Variants in GLI2 observed in about 807,000 individuals in gnomAD.
The protein encoded by GLI2 is transcription activator GLI2.
Under a neutral mutation model 78.9 loss-of-function variants are expected in GLI2, and 22 were observed. The observed-to-expected ratio is 0.28, with a 90% confidence interval of 0.20 to 0.40. The LOEUF is 0.40. Among genes scored for constraint, GLI2 ranks in the 10% least tolerant of loss-of-function variants. The pLI, the probability that GLI2 is intolerant of heterozygous loss-of-function variation, is 1.00. For synonymous variants in GLI2, 974 were observed against 963.7 expected, an observed-to-expected ratio of 1.01 and a Z score of -0.20; for missense variants, 2,097 against 2,213.2, an observed-to-expected ratio of 0.95 and a Z score of 1.05.
chr2:120,876,603 G>A (rs1046909761), intron 2 of GLI2, among the ~76,000 whole-genome samples: 24 of 152,150 alleles, frequency 1.6e-4, no homozygotes, highest in Middle Eastern at 3.4e-3. Flanking sequence ...AGAAGGTGGA[G>A]GAGGGGGACT....
chr2:120,768,828 T>TGTGTGTGCGC (rs1016876371), intron 1 of GLI2, among the ~76,000 whole-genome samples: 16 of 150,526 alleles, frequency 1.1e-4, no homozygotes, highest in African/African-American at 3.9e-4. Flanking sequence ...TGTGTGTGTG[T>TGTGTGTGCGC]GCGTGTGTGT....
chr2:120,971,481 C>T (rs940301493), intron 7 of GLI2, among the ~76,000 whole-genome samples: 16 of 152,252 alleles, frequency 1.1e-4, no homozygotes, highest in African/African-American at 3.4e-4. Flanking sequence ...AGCCTCCCCA[C>T]GACAGTGGCT....
chr2:120,904,674 G>A (rs1678432833), intron 2 of GLI2, among the ~76,000 whole-genome samples: 1 of 152,184 alleles, frequency 6.6e-6, no homozygotes, highest in African/African-American at 2.4e-5. Context: ...GAATCCACTG[G>A]GGAGCTTTTT....
chr2:120,828,207 C>CA (rs1295181171), intron 2 of GLI2, among the ~76,000 whole-genome samples: 1 of 152,210 alleles, frequency 6.6e-6, no homozygotes, highest in Admixed American at 6.5e-5. Flanking sequence ...CCTCTTTATG[C>CA]ATGAGAGCAG....
At chr2:120,854,531 A>G (rs1687556533) in intron 2 of GLI2, among the ~76,000 whole-genome samples, 1 of 152,204 alleles carries the variant, frequency 6.6e-6, no homozygotes, top group Non-Finnish European at 1.5e-5. Context: ...GGATCCCAGA[A>G]GAACCTTTGG....
intron 2 of GLI2, among the ~76,000 whole-genome samples, chr2:120,918,438 CTT>C (rs563960856): frequency 0.038 from 4,812 of 126,904 alleles, 273 homozygotes; most frequent in African/African-American, 0.13. Context: ...CATAAATATT[CTT>C]TTTTTTTTTT....
intron 2 of GLI2, among the ~76,000 whole-genome samples, chr2:120,915,375 C>A (rs1244746761): frequency 6.6e-6 from 1 of 152,184 alleles, no homozygotes; most frequent in African/African-American, 2.4e-5. Flanking sequence ...ATTCCTCCCC[C>A]CACGTTTTTC....
intron 1 of GLI2, among the ~76,000 whole-genome samples, chr2:120,763,692 A>G (rs1410455017): frequency 6.6e-6 from 1 of 152,204 alleles, no homozygotes; most frequent in East Asian, 1.9e-4. Context: ...GAATGACAAG[A>G]AGCCACGCCC....
chr2:120,745,247 C>T (rs1682660368), intron 1 of GLI2, among the ~76,000 whole-genome samples: 1 of 152,170 alleles, frequency 6.6e-6, no homozygotes, highest in Non-Finnish European at 1.5e-5. Flanking sequence ...TGGGATGCCT[C>T]CTTTCTTTTT....
chr2:120,929,361 T>C (rs1325790184), intron 3 of GLI2, among the ~76,000 whole-genome samples: 2 of 152,226 alleles, frequency 1.3e-5, no homozygotes, highest in African/African-American at 4.8e-5. Context: ...TATGGAAATA[T>C]CCTGTTTCTT....
chr2:120,783,686 A>G (rs1683912585), intron 1 of GLI2, among the ~76,000 whole-genome samples: 1 of 152,198 alleles, frequency 6.6e-6, no homozygotes, highest in African/African-American at 2.4e-5. Flanking sequence ...GGTAACAGCC[A>G]GGGACAGCTG....
At chr2:120,879,431 G>A (rs993611039) in intron 2 of GLI2, among the ~76,000 whole-genome samples, 1 of 152,196 alleles carries the variant, frequency 6.6e-6, no homozygotes, top group African/African-American at 2.4e-5. Flanking sequence ...GGATTGGAGG[G>A]AGCCCCAGAG....
chr2:120,925,017 T>G (rs1232893770), intron 2 of GLI2, among the ~76,000 whole-genome samples: 1 of 152,220 alleles, frequency 6.6e-6, no homozygotes. Flanking sequence ...ACAAAAGTCA[T>G]GCAGCAGGTG....
intron 2 of GLI2, among the ~76,000 whole-genome samples, chr2:120,862,595 T>A (rs1209391077): frequency 1.3e-5 from 2 of 152,162 alleles, no homozygotes; most frequent in African/African-American, 4.8e-5. Flanking sequence ...TCGTGAGCAC[T>A]TTGTGTGTAG....
intron 2 of GLI2, among the ~76,000 whole-genome samples, chr2:120,815,691 C>T (rs1380461139): frequency 6.6e-6 from 1 of 152,084 alleles, no homozygotes; most frequent in Non-Finnish European, 1.5e-5. Flanking sequence ...CTCCCCATAC[C>T]AGTTAGAGTC....
At chr2:120,754,262 T>C (rs1318227084) in intron 1 of GLI2, among the ~76,000 whole-genome samples, 1 of 152,206 alleles carries the variant, frequency 6.6e-6, no homozygotes, top group Non-Finnish European at 1.5e-5. Context: ...ATCAAACTTG[T>C]CGATCCTTGC....
Position 120,955,332 on chromosome 2 carries a change from T to G in GLI2, c.545T>G (p.Leu182Arg). The change falls in exon 5 of 14, where the codon CTC becomes CGC. Residue 182 changes from leucine to arginine, a missense_variant. Physicochemically the swap from Leu to Arg is moderately radical, Grantham distance 102 (BLOSUM62 -2). This residue lies in a region of GLI2 where 578 missense variants were observed against 612.0 expected (regional missense o/e 0.94). Transcript: ENST00000361492. ...TPSDYYHQMT[L>R]VAGHPAPYGD... ...TCAGACTATTACCACCAGATGACCCTCGTGGCAGGCCACCCCGCGCCCTAC... is the reference window on the plus strand; with the variant it reads ...TCAGACTATTACCACCAGATGACCCGCGTGGCAGGCCACCCCGCGCCCTAC... 1.2e-6 allele frequency: 2 copies of G among 1,613,334 alleles called. No homozygotes were observed. Among genetic ancestry groups the G allele is most frequent in the Non-Finnish European group, 1.7e-6 (2 of 1,179,526 alleles).
intron 3 of GLI2, among the ~76,000 whole-genome samples, chr2:120,938,172 C>T (rs1680283700): frequency 6.6e-6 from 1 of 152,114 alleles, no homozygotes; most frequent in Admixed American, 6.6e-5. Context: ...AGGACCGACT[C>T]CCCCAGGGCC....
intron 2 of GLI2, among the ~76,000 whole-genome samples, chr2:120,853,808 G>C (rs1687517842): frequency 1.3e-5 from 2 of 152,142 alleles, no homozygotes; most frequent in Admixed American, 1.3e-4. Flanking sequence ...TGGCATCTGT[G>C]TGGGGTGCTG....
Sources: allele counts gnomAD v4.1 joint callset (sites outside exome capture counted in the v4.1 genomes callset), GRCh38; gene constraint gnomAD v4.1.1; regional missense constraint gnomAD v4.1.1; transcripts MANE v1.5; gene names NCBI Gene and HGNC (gene_info 2026-07-23, HGNC 2026-07-21).